SYT9: variants seen among roughly 807,000 people sequenced by gnomAD.
SYT9 encodes synaptotagmin 9, also known as synaptotagmin-9.
In SYT9, 22 loss-of-function variants were observed where a neutral mutation model predicts 48.4. The ratio of observed to expected loss-of-function variants is 0.45; its 90% CI spans 0.32 to 0.65. SYT9 has a LOEUF of 0.65. Among genes scored for constraint, SYT9 ranks in the 30% least tolerant of loss-of-function variants. The probability of loss-of-function intolerance (pLI) is 0.03; values close to 1 mark genes in which losing one functional copy is unlikely to be tolerated. For missense variants in SYT9, 577 were observed against 622.0 expected (o/e 0.93, Z 0.77); for synonymous variants, 265 against 245.0 (o/e 1.08, Z -0.76).
chr11:7,251,008 T>C (rs1272699590), upstream of SYT9, among the ~76,000 whole-genome samples: 1 of 152,046 alleles, frequency 6.6e-6, no homozygotes, highest in Non-Finnish European at 1.5e-5. Context: ...CAGTTTCTCA[T>C]TGGTAAAATG....
chr11:7,354,099 A>G (rs1849971524), intron 3 of SYT9, among the ~76,000 whole-genome samples: 1 of 152,232 alleles, frequency 6.6e-6, no homozygotes. Flanking sequence ...AAAAGAGGGT[A>G]CCTGTGTCCA....
intron 6 of SYT9, chr11:7,440,100 C>G (rs760807664): frequency 1.3e-5 from 2 of 152,290 alleles, no homozygotes; most frequent in Non-Finnish European, 2.9e-5. Flanking sequence ...GATTCAGCCT[C>G]TGTTCCCGTA....
intron 6 of SYT9, among the ~76,000 whole-genome samples, chr11:7,432,571 AAAAAAAAAAAAATATATATACATATAT>A (rs1847609389): frequency 1.5e-4 from 2 of 13,092 alleles, no homozygotes; most frequent in African/African-American, 3.8e-4. Flanking sequence ...AAAAAAAAAA[AAAAAAAAAAAAATATATATACATATAT>A]ATATATATAT....
rs1589937714 is a variant in SYT9 at position 7,314,023 on chromosome 11, G to A, written c.1044+82G>A. 7 of 1,482,788 alleles carry A rather than the reference G, an allele frequency of 4.7e-6. No homozygotes were observed. In the East Asian group the frequency reaches 1.6e-4, roughly 34 times the overall value. 91.9% of individuals were successfully genotyped at this position (1,482,788 alleles called of 1,614,324 possible). On this transcript the variant is annotated intron_variant, in intron 3 of 6. Transcript: ENST00000318881. ...CAGATTACTTACACATTATCTTGAG[G>A]ACAAAGTGTAAAATTCCTGTCAATG...
intron 3 of SYT9, among the ~76,000 whole-genome samples, chr11:7,414,385 A>G (rs1369025195): frequency 1.3e-5 from 2 of 152,222 alleles, no homozygotes; most frequent in Non-Finnish European, 2.9e-5. Context: ...AGGAAACAAA[A>G]GGGTGATGTG....
At chr11:7,325,151 A>C (rs1158843694) in intron 3 of SYT9, among the ~76,000 whole-genome samples, 1 of 152,050 alleles carries the variant, frequency 6.6e-6, no homozygotes, top group African/African-American at 2.4e-5. Context: ...CTGTGAAGAA[A>C]GTCATTGGTA....
Position 7,304,145 on chromosome 11 carries a change from A to G in SYT9, c.497+755A>G, listed in dbSNP as rs537929169. 3.9e-5 allele frequency among the ~76,000 whole-genome samples: 6 copies of G among 152,372 alleles called. No individual in the cohort carries two copies. The South Asian group carries it at 1.2e-3, about 32-fold the overall frequency. On this transcript the variant is annotated intron_variant, in intron 2 of 6. Transcript: ENST00000318881. ...ATTTCCTCTTCTTCAAAAGAGGAGTAGATAGTACTGATTTGTAGGTGGTTT... is the reference window on the plus strand; with the variant it reads ...ATTTCCTCTTCTTCAAAAGAGGAGTGGATAGTACTGATTTGTAGGTGGTTT...
chr11:7,281,309 C>T (rs1848488464), intron 1 of SYT9, among the ~76,000 whole-genome samples: 2 of 152,194 alleles, frequency 1.3e-5, no homozygotes, highest in South Asian at 4.1e-4. Context: ...TCTGTCATGT[C>T]TGGGAAACTA....
In SYT9 at chr11:7,357,489, G is replaced by A. The variant is rs144287422; in HGVS notation, c.1044+43548G>A. Among the ~76,000 whole-genome samples the A allele has an allele frequency of 4.6e-3, 697 of 152,202 alleles. 6 individuals carry two copies. Among genetic ancestry groups the A allele is most frequent in the African/African-American group, 0.016 (662 of 41,534 alleles). On this transcript the variant is annotated intron_variant, in intron 3 of 6. Transcript: ENST00000318881. ...TCAAAGATGGTAATGCAGATGAACC[G>A]ATAGTAATTGGGCCCCAGCTTCTCT...
chr11:7,322,262 C>G (rs184507008), intron 3 of SYT9, among the ~76,000 whole-genome samples: 1 of 152,166 alleles, frequency 6.6e-6, no homozygotes, highest in South Asian at 2.1e-4. Flanking sequence ...TTATAGGAGC[C>G]AGCTCCAGGA....
intron 3 of SYT9, among the ~76,000 whole-genome samples, chr11:7,398,593 G>A (rs1231096844): frequency 1.3e-5 from 2 of 151,936 alleles, no homozygotes; most frequent in African/African-American, 4.8e-5. Context: ...TGTATTTTTA[G>A]TAGAGATGGG....
At chr11:7,443,727 A>G (rs10839783) in intron 6 of SYT9, among the ~76,000 whole-genome samples, 21,476 of 152,250 alleles carry the variant, frequency 0.14, 2,466 homozygotes, top group African/African-American at 0.32. Flanking sequence ...ATAATTCAAG[A>G]GCCACAGTCC....
intron 1 of SYT9, among the ~76,000 whole-genome samples, chr11:7,292,876 G>A (rs143161120): frequency 2.0e-5 from 3 of 152,178 alleles, no homozygotes; most frequent in Non-Finnish European, 4.4e-5. Flanking sequence ...GAGCAATCGA[G>A]TAAAAAGAAA....
At chr11:7,311,282 G>A (rs1319872374) in intron 2 of SYT9, among the ~76,000 whole-genome samples, 1 of 152,146 alleles carries the variant, frequency 6.6e-6, no homozygotes, top group Non-Finnish European at 1.5e-5. Context: ...AGCCCCAGTT[G>A]ACAACAGTGA....
chr11:7,466,958 T>G lies in SYT9; in HGVS notation c.*158T>G. On this transcript the variant is annotated 3_prime_UTR_variant, in exon 7 of 7. Transcript: ENST00000318881. The stretch of plus-strand genomic sequence containing the variant: ...TAACTGGCCTTCTTTCCAGATTGGG[T>G]TTGGTGAACCTGAATGGTCCAGCCA... 1.1e-6 allele frequency: 1 copy of G among 926,712 alleles called. No individual in the cohort carries two copies. The highest frequency in any genetic ancestry group is 1.7e-6 in the Non-Finnish European group (1 of 599,002). 57.4% of individuals were successfully genotyped at this position (926,712 alleles called of 1,614,324 possible).
At chr11:7,455,637 C>T (rs760450873) in intron 6 of SYT9, among the ~76,000 whole-genome samples, 5 of 152,026 alleles carry the variant, frequency 3.3e-5, no homozygotes, top group Admixed American at 6.6e-5. Context: ...TTGTCCCTGG[C>T]TCATTTAAGC....
At chr11:7,378,331 A>C (rs1282556270) in intron 3 of SYT9, among the ~76,000 whole-genome samples, 1 of 152,096 alleles carries the variant, frequency 6.6e-6, no homozygotes, top group Admixed American at 6.6e-5. Context: ...TTGGAATTTA[A>C]CCTAAGAGCA....
intron 3 of SYT9, chr11:7,314,485 G>A (rs981437574): frequency 1.7e-4 from 38 of 226,858 alleles, no homozygotes; most frequent in Non-Finnish European, 1.3e-4. Flanking sequence ...TACAAGGAGG[G>A]AAGTCTGAAA....
intron 1 of SYT9, among the ~76,000 whole-genome samples, chr11:7,245,878 T>C (rs991666125): frequency 6.6e-6 from 1 of 152,240 alleles, no homozygotes; most frequent in African/African-American, 2.4e-5. Context: ...CCATAGCATC[T>C]GGGATGCTCT....
Sources: gnomAD v4.1 joint callset for allele counts (sites outside exome capture counted in the v4.1 genomes callset) on GRCh38, gnomAD v4.1.1 for gene constraint, MANE v1.5 for transcripts, NCBI Gene and HGNC (gene_info 2026-07-23, HGNC 2026-07-21) for gene names.